The following GPATCH11 variants were observed in gnomAD, a reference collection of about 807,000 sequenced individuals.
The protein encoded by GPATCH11 is G patch domain-containing protein 11.
Under a neutral mutation model 44.8 loss-of-function variants are expected in GPATCH11, and 32 were observed. The observed-to-expected ratio is 0.71, with a 90% confidence interval of 0.54 to 0.96. GPATCH11 has a LOEUF of 0.96. Among genes scored for constraint, GPATCH11 ranks in the 40% least tolerant of loss-of-function variants. The probability of loss-of-function intolerance (pLI) is 0.00; values close to 1 mark genes in which losing one functional copy is unlikely to be tolerated. For missense variants in GPATCH11, 324 were observed against 303.1 expected, an observed-to-expected ratio of 1.07 and a Z score of -0.51; for synonymous variants, 84 against 94.4, an observed-to-expected ratio of 0.89 and a Z score of 0.64.
intron 4 of GPATCH11, among the ~76,000 whole-genome samples, 151 bp downstream of exon 4, chr2:37,090,873 A>G (rs1278721680): frequency 6.6e-6 from 1 of 152,214 alleles, no homozygotes; most frequent in Non-Finnish European, 1.5e-5. Context: ...CTTCAACCAG[A>G]AAAGAAATAA....
rs1250063571 is a variant in GPATCH11 at position 37,097,887 on chromosome 2, C to T, written c.*1624C>T. ...ATTCTAAAATGCAGCCTACCTTGAG[C>T]CACTAATCTAGTTAACTTCTGGGCC... On this transcript the variant is annotated 3_prime_UTR_variant, in exon 9 of 9. Transcript: ENST00000674370. The T allele has an allele frequency of 1.3e-5, 2 of 152,130 alleles. No individual in the cohort carries two copies. The highest frequency in any genetic ancestry group is 4.8e-5 in the African/African-American group (2 of 41,402). 9.4% of individuals were successfully genotyped at this position (152,130 alleles called of 1,614,324 possible).
chr2:37,091,916 G>A lies in GPATCH11; in HGVS notation c.329G>A (p.Gly110Glu). The A allele has an allele frequency of 6.2e-7, 1 of 1,608,144 alleles. No homozygotes were observed. Among genetic ancestry groups the A allele is most frequent in the Non-Finnish European group, 8.5e-7 (1 of 1,176,350 alleles). Residue 110 changes from glycine to glutamate, a missense_variant and splice_region_variant, in exon 5 of 9, where the codon GGG becomes GAG. Physicochemically the swap from Gly to Glu is moderately conservative, Grantham distance 98 (BLOSUM62 -2). Transcript: ENST00000674370. ...VEPIPLNIKTGKSGIGHEASL... is the reference protein window; with the variant it reads ...VEPIPLNIKTEKSGIGHEASL... ...TCATCAGAATTTTCTGTTTGAATAG[G>A]GAAAAGTGGCATTGGTCATGAGGCA...
intron 2 of GPATCH11, 65 bp from the exon 3 acceptor site, chr2:37,089,575 A>G (rs966420488): frequency 1.7e-5 from 4 of 229,490 alleles, no homozygotes; most frequent in Admixed American, 6.8e-5. Flanking sequence ...CTCAAAAAAT[A>G]AAAAAAAAAA....
At chr2:37,088,525 T>C in intron 2 of GPATCH11, 85 bp downstream of exon 2, 2 of 744,908 alleles carry the variant, frequency 2.7e-6, no homozygotes, top group African/African-American at 3.6e-5. Flanking sequence ...TATTTTATTT[T>C]ATTTTTTTGA....
Position 37,099,055 on chromosome 2 carries a change from A to G in GPATCH11, c.*2792A>G, listed in dbSNP as rs1673749466. The stretch of plus-strand genomic sequence containing the variant: ...AATTTGAAACTGCAAAACAATGTAA[A>G]ATTTAATGTCATGTTGTCATTTACT... On this transcript the variant is annotated 3_prime_UTR_variant, in exon 9 of 9. Transcript: ENST00000674370. The G allele has an allele frequency of 6.6e-6, 1 of 152,142 alleles. No individual in the cohort carries two copies. The highest frequency in any genetic ancestry group is 1.5e-5 in the Non-Finnish European group (1 of 68,026). 9.4% of individuals were successfully genotyped at this position (152,142 alleles called of 1,614,324 possible). A position where few individuals can be genotyped will look rare whatever the true frequency, so the allele number is the denominator to read the frequency against.
Position 37,091,912 on chromosome 2 carries a change from A to C in GPATCH11, c.329-4A>C, listed in dbSNP as rs373053059. On this transcript the variant is annotated splice_polypyrimidine_tract_variant and splice_region_variant and intron_variant, in intron 4 of 8. Coordinates refer to ENST00000674370, the MANE Select transcript of GPATCH11 (RefSeq NM_174931.4). ...TTTCTCATCAGAATTTTCTGTTTGAATAGGGAAAAGTGGCATTGGTCATGA... is the reference window on the plus strand; with the variant it reads ...TTTCTCATCAGAATTTTCTGTTTGACTAGGGAAAAGTGGCATTGGTCATGA... 1 of 1,607,086 alleles carries C rather than the reference A, an allele frequency of 6.2e-7. No individual in the cohort carries two copies. Among genetic ancestry groups the C allele is most frequent in the African/African-American group, 1.3e-5 (1 of 74,696 alleles).
chr2:37,090,869 C>T, intron 4 of GPATCH11, 147 bp downstream of exon 4: 2 of 542,800 alleles, frequency 3.7e-6, no homozygotes, highest in Non-Finnish European at 6.5e-6. Context: ...ACCTCTTCAA[C>T]CAGAAAAGAA....
At chr2:37,091,834 A>G (rs957439027) in intron 4 of GPATCH11, 82 bp from the exon 5 acceptor site, 3 of 1,315,644 alleles carry the variant, frequency 2.3e-6, no homozygotes, top group Non-Finnish European at 3.2e-6. Context: ...TGAGAATTGC[A>G]TTTAATTTGT....
chr2:37,087,573 G>A lies in GPATCH11; in HGVS notation c.-13-796G>A, dbSNP rs1313220960. On this transcript the variant is annotated intron_variant, in intron 1 of 8. Transcript: ENST00000674370. ...TAATTACATGATTTTAACTATTTTG[G>A]ATAGAAACTGTCCCTCAAAATATTT... Among the ~76,000 whole-genome samples the A allele has an allele frequency of 2.0e-5, 3 of 152,290 alleles. No individual in the cohort carries two copies. The South Asian group carries it at 6.2e-4, about 32-fold the overall frequency.
chr2:37,094,160 CA>C lies in GPATCH11; in HGVS notation c.620del (p.Gln207ArgfsTer11). ...TGAAGAAGATGAAGAAGAAAAAGAA[CA>C]GGATGAAGATGAATATAAGAGTGAA... ...ETEEDEEEKE[Q>X]DEDEYKSEDL... On this transcript the variant is annotated frameshift_variant, in exon 7 of 9. Coordinates refer to ENST00000674370, the MANE Select transcript of GPATCH11 (RefSeq NM_174931.4). LOFTEE classifies it high-confidence loss of function. 6.4e-7 allele frequency: 1 copy of C among 1,572,252 alleles called. No individual in the cohort carries two copies. The highest frequency in any genetic ancestry group is 8.6e-7 in the Non-Finnish European group (1 of 1,157,428).
At chr2:37,088,557 C>A in intron 2 of GPATCH11, 117 bp downstream of exon 2, 1 of 580,542 alleles carries the variant, frequency 1.7e-6, no homozygotes, top group Non-Finnish European at 3.0e-6. Context: ...ATTCTGTTAG[C>A]AAGGCTGGAG....
chr2:37,091,994 A>G lies in GPATCH11; in HGVS notation c.407A>G (p.His136Arg). ...EKLESYRKKI[H>R]MKNQAEEKAA... ...TTGGAAAGCTACAGAAAAAAGATTC[A>G]CATGAAAAACCAAGCTGAAGAAAAA... The change falls in exon 5 of 9, where the codon CAC becomes CGC. Residue 136 changes from histidine (H) to arginine (R), a missense_variant. Physicochemically the swap from His to Arg is conservative, Grantham distance 29. Coordinates refer to ENST00000674370, the MANE Select transcript of GPATCH11 (RefSeq NM_174931.4). 1 of 1,613,408 alleles carries G rather than the reference A, an allele frequency of 6.2e-7. No individual in the cohort carries two copies.
intron 4 of GPATCH11, 120 bp from the exon 5 acceptor site, chr2:37,091,796 A>G: frequency 2.3e-6 from 2 of 865,386 alleles, no homozygotes; most frequent in Middle Eastern, 2.5e-4. Context: ...TAGTGTACTC[A>G]AATGATTTGT....
intron 1 of GPATCH11, among the ~76,000 whole-genome samples, 173 bp from the exon 2 acceptor site, chr2:37,088,196 G>T (rs1190212216): frequency 1.2e-4 from 18 of 152,114 alleles, no homozygotes. Flanking sequence ...GGGGAAAGGG[G>T]AAAGAAATGA....
intron 3 of GPATCH11, 138 bp from the exon 4 acceptor site, chr2:37,090,543 T>C (rs1673266488): frequency 5.1e-6 from 3 of 591,436 alleles, no homozygotes; most frequent in Non-Finnish European, 9.1e-6. Flanking sequence ...ATAGAATATA[T>C]ATAGATGTTC....
At chr2:37,091,867 T>C (rs1673336328) in intron 4 of GPATCH11, 49 bp from the exon 5 acceptor site, 1 of 1,571,918 alleles carries the variant, frequency 6.4e-7, no homozygotes, top group Non-Finnish European at 8.7e-7. Flanking sequence ...CGTCTTGTTT[T>C]GAAGCACAAA....
chr2:37,091,834 A>C, intron 4 of GPATCH11, 82 bp from the exon 5 acceptor site: 1 of 1,315,644 alleles, frequency 7.6e-7, no homozygotes, highest in Non-Finnish European at 1.1e-6. Flanking sequence ...TGAGAATTGC[A>C]TTTAATTTGT....
chr2:37,092,469 T>TTATATATATAATATATATATTATA, intron 6 of GPATCH11, among the ~76,000 whole-genome samples: 1 of 139,228 alleles, frequency 7.2e-6, no homozygotes, highest in South Asian at 2.2e-4. Flanking sequence ...TTTTATGTAT[T>TTATATATATAATATATATATTATA]TATATATATA....
chr2:37,090,898 A>G (rs4670655), intron 4 of GPATCH11, among the ~76,000 whole-genome samples, 176 bp downstream of exon 4: 98,237 of 152,134 alleles, frequency 0.65, 32,972 homozygotes, highest in East Asian at 0.76. Flanking sequence ...TAGTGAGTAT[A>G]AAATAAAATT....
Sources: gnomAD v4.1 joint callset for allele counts (sites outside exome capture counted in the v4.1 genomes callset) on GRCh38, gnomAD v4.1.1 for gene constraint, MANE v1.5 for transcripts, NCBI Gene and HGNC (gene_info 2026-07-23, HGNC 2026-07-21) for gene names.